Variants in DIAPH2 observed in about 807,000 individuals in gnomAD.
DIAPH2 encodes the protein diaphanous related formin 2, also known as protein diaphanous homolog 2.
DIAPH2 carries 35 observed loss-of-function variants against 92.7 expected under a neutral mutation model. The observed-to-expected ratio is 0.38, with a 90% CI of 0.29 to 0.50. DIAPH2 has a LOEUF of 0.50. Ranked by LOEUF, DIAPH2 falls within the 20% of genes least tolerant of loss-of-function variation. The pLI, the probability that DIAPH2 is intolerant of heterozygous loss-of-function variation, is 0.94. For missense variants in DIAPH2, 701 were observed against 819.5 expected (o/e 0.86, Z 1.77); for synonymous variants, 301 against 280.4 (o/e 1.07, Z -0.73).
chrX:97,130,613 G>A (rs2067131536), intron 21 of DIAPH2, among the ~76,000 whole-genome samples: 1 of 111,616 alleles, frequency 9.0e-6, no homozygotes, highest in Non-Finnish European at 1.9e-5. Flanking sequence ...AGGCAGATGG[G>A]GAGTTAATGT....
intron 26 of DIAPH2, among the ~76,000 whole-genome samples, chrX:97,437,823 T>G (rs761940857): frequency 9.2e-6 from 1 of 108,413 alleles, no homozygotes; most frequent in South Asian, 4.1e-4. Context: ...TGGAGACAGA[T>G]TTTGGGGACA....
intron 22 of DIAPH2, among the ~76,000 whole-genome samples, chrX:97,184,180 T>C (rs752951373): frequency 9.1e-4 from 102 of 112,301 alleles, no homozygotes; most frequent in Non-Finnish European, 1.3e-3. Context: ...TCTTTCCCCT[T>C]CTGCTCTTCT....
At chrX:97,300,962 AAAAG>A (rs1430370805) in intron 23 of DIAPH2, among the ~76,000 whole-genome samples, 7 of 54,901 alleles carry the variant, frequency 1.3e-4, no homozygotes, top group Non-Finnish European at 2.0e-4. Context: ...AAAAAAAAAA[AAAAG>A]AAGAAGAAGA....
At chrX:97,514,898 C>T (rs1292001880) in intron 26 of DIAPH2, among the ~76,000 whole-genome samples, 1 of 111,411 alleles carries the variant, frequency 9.0e-6, no homozygotes, top group Non-Finnish European at 1.9e-5. Context: ...TTGGGAGAAC[C>T]ACTGCTCTCT....
At chrX:97,055,448 A>G (rs1175725482) in intron 17 of DIAPH2, among the ~76,000 whole-genome samples, 4 of 111,117 alleles carry the variant, frequency 3.6e-5, no homozygotes, top group Non-Finnish European at 7.5e-5. Context: ...GATGCCTTTC[A>G]CTGGAGTAGG....
chrX:96,938,768 A>G (rs1441857780), intron 11 of DIAPH2, among the ~76,000 whole-genome samples: 1 of 111,892 alleles, frequency 8.9e-6, no homozygotes, highest in Non-Finnish European at 1.9e-5. Context: ...AATGCAAACA[A>G]TAATAATTTC....
rs2071609439 is a variant in DIAPH2, at chrX:97,604,348, A to G, written c.*5031A>G. 1 of 112,093 alleles carries G rather than the reference A, an allele frequency of 8.9e-6. No individual in the cohort carries two copies. The highest frequency in any genetic ancestry group is 1.9e-5 in the Non-Finnish European group (1 of 53,173). 9.2% of individuals were successfully genotyped at this position (112,093 alleles called of 1,213,427 possible). A position where few individuals can be genotyped will look rare whatever the true frequency, so the allele number is the denominator to read the frequency against. ...TATATCTGAAAGGACCTTTTTTCCA[A>G]ATAAGGTACTATCACAGGTTCCAGG... On this transcript the variant is annotated 3_prime_UTR_variant, in exon 27 of 27. Transcript: ENST00000324765.
chrX:97,139,221 G>T (rs185835174), intron 21 of DIAPH2, among the ~76,000 whole-genome samples: 62 of 109,660 alleles, frequency 5.7e-4, no homozygotes, highest in African/African-American at 1.9e-3. Context: ...AGATACAATG[G>T]CTAATGTGTG....
At chrX:96,933,512 GTA>G in intron 10 of DIAPH2, among the ~76,000 whole-genome samples, 1 of 102,475 alleles carries the variant, frequency 9.8e-6, no homozygotes, top group Non-Finnish European at 2.0e-5. Context: ...GTATATATAT[GTA>G]TATATATATG....
intron 26 of DIAPH2, among the ~76,000 whole-genome samples, chrX:97,494,493 G>C (rs934182245): frequency 9.0e-6 from 1 of 111,530 alleles, no homozygotes; most frequent in East Asian, 2.8e-4. Context: ...CATTTCTTTA[G>C]AGTTGTGTAT....
intron 22 of DIAPH2, among the ~76,000 whole-genome samples, chrX:97,180,417 T>C (rs2067529687): frequency 8.9e-6 from 1 of 111,867 alleles, no homozygotes; most frequent in Non-Finnish European, 1.9e-5. Context: ...CTTTGTCACA[T>C]GGGTAGATTG....
chrX:96,789,074 A>G (rs962170814), intron 4 of DIAPH2, among the ~76,000 whole-genome samples: 8 of 112,562 alleles, frequency 7.1e-5, no homozygotes, highest in African/African-American at 2.3e-4. Flanking sequence ...TTACAGTGAC[A>G]TAGTAGAGAT....
intron 17 of DIAPH2, among the ~76,000 whole-genome samples, chrX:96,994,049 T>G (rs922898337): frequency 7.2e-5 from 8 of 111,745 alleles, no homozygotes; most frequent in Non-Finnish European, 1.5e-4. Flanking sequence ...TAACCTTAAA[T>G]GTATTTTTAA....
At chrX:97,015,873 T>C (rs752350422) in intron 17 of DIAPH2, among the ~76,000 whole-genome samples, 1 of 109,621 alleles carries the variant, frequency 9.1e-6, no homozygotes, top group African/African-American at 3.3e-5. Context: ...TCTGGAGTAC[T>C]CTAAATGTGG....
chrX:96,770,604 T>G (rs1402209543), intron 4 of DIAPH2, among the ~76,000 whole-genome samples: 1 of 112,192 alleles, frequency 8.9e-6, no homozygotes, highest in African/African-American at 3.2e-5. Context: ...TTTGATTTTT[T>G]TAAATGGGTT....
At chrX:97,312,523 T>C (rs1253556873) in intron 23 of DIAPH2, among the ~76,000 whole-genome samples, 1 of 109,042 alleles carries the variant, frequency 9.2e-6, no homozygotes, top group Non-Finnish European at 1.9e-5. Flanking sequence ...CTAATTTTTA[T>C]ATTTTTAGTA....
At chrX:97,260,912 C>CT (rs904041784) in intron 23 of DIAPH2, among the ~76,000 whole-genome samples, 11 of 111,568 alleles carry the variant, frequency 9.9e-5, no homozygotes, top group Non-Finnish European at 2.1e-4. Context: ...TCAACATTTA[C>CT]TTTTTTTATT....
chrX:97,322,013 G>T (rs182071474), intron 23 of DIAPH2, among the ~76,000 whole-genome samples: 4 of 112,330 alleles, frequency 3.6e-5, no homozygotes, highest in Non-Finnish European at 7.5e-5. Flanking sequence ...TTGGAAGGAC[G>T]TATTTTTATT....
At chrX:97,045,750 T>A (rs762053013) in intron 17 of DIAPH2, among the ~76,000 whole-genome samples, 2 of 109,857 alleles carry the variant, frequency 1.8e-5, no homozygotes, top group East Asian at 5.7e-4. Flanking sequence ...GGTGAGAGAG[T>A]ATAAGCAGTT....
Sources: allele counts gnomAD v4.1 joint callset (sites outside exome capture counted in the v4.1 genomes callset), GRCh38; gene constraint gnomAD v4.1.1; transcripts MANE v1.5; gene names NCBI Gene and HGNC (gene_info 2026-07-23, HGNC 2026-07-21).